Variants in GPHN observed in about 807,000 individuals in gnomAD.
The protein encoded by GPHN is gephyrin.
In GPHN, 17 loss-of-function variants were observed where a neutral mutation model predicts 95.5. The observed-to-expected ratio is 0.18, with a 90% CI of 0.12 to 0.27. The LOEUF (loss-of-function observed/expected upper bound fraction) is 0.27. Among genes scored for constraint, GPHN ranks in the 10% least tolerant of loss-of-function variants. The pLI is 1.00. For synonymous variants in GPHN, 320 were observed against 322.5 expected (o/e 0.99, Z 0.08); for missense variants, 660 against 978.1 (o/e 0.67, Z 4.34).
At chr14:67,383,662 C>T in the GPHN span, 7 of 490,064 alleles carry the variant, frequency 1.4e-5, 1 homozygote, top group Admixed American at 3.1e-5. Flanking sequence ...AGGGAGTGGC[C>T]TCATTTCACT....
chr14:66,976,871 G>A (rs2070265078), intron 9 of GPHN, among the ~76,000 whole-genome samples: 2 of 130,068 alleles, frequency 1.5e-5, no homozygotes, highest in Admixed American at 1.7e-4. Context: ...TAAAAGGTAA[G>A]CATAGTCATT....
chr14:67,042,607 TATC>T (rs1220124229), intron 10 of GPHN, among the ~76,000 whole-genome samples: 1 of 152,240 alleles, frequency 6.6e-6, no homozygotes, highest in African/African-American at 2.4e-5. Flanking sequence ...TTGGTACCAG[TATC>T]ATGCTGTTTT....
the GPHN span, chr14:67,312,518 A>T: frequency 6.6e-7 from 1 of 1,518,420 alleles, no homozygotes; most frequent in Admixed American, 2.0e-5. Context: ...TGCCCTTTTT[A>T]TCTTTTAGAT....
intron 1 of GPHN, among the ~76,000 whole-genome samples, chr14:66,640,097 T>A (rs1474550241): frequency 6.6e-6 from 1 of 152,110 alleles, no homozygotes; most frequent in Admixed American, 6.5e-5. Flanking sequence ...CTGAATTGAT[T>A]TGTGTGTGAG....
At chr14:66,605,840 T>A (rs1671212215) in intron 1 of GPHN, among the ~76,000 whole-genome samples, 1 of 152,076 alleles carries the variant, frequency 6.6e-6, no homozygotes, top group African/African-American at 2.4e-5. Flanking sequence ...CCCCATTTTT[T>A]AAAGGAGTTA....
the GPHN span, among the ~76,000 whole-genome samples, chr14:67,608,305 T>C: frequency 6.6e-6 from 1 of 152,276 alleles, no homozygotes; most frequent in Admixed American, 6.5e-5. Flanking sequence ...TTGCCATCAT[T>C]CCCTAATCAA....
At chr14:67,529,782 T>C in the GPHN span, among the ~76,000 whole-genome samples, 1 of 152,150 alleles carries the variant, frequency 6.6e-6, no homozygotes. Flanking sequence ...GCAGTAGAAG[T>C]AACCTCCTGA....
intron 2 of GPHN, among the ~76,000 whole-genome samples, chr14:66,694,807 A>G (rs2068008923): frequency 6.6e-6 from 1 of 152,220 alleles, no homozygotes. Flanking sequence ...GACGCATCTG[A>G]TAATGTACTA....
chr14:66,584,871 C>T (rs993283359), intron 1 of GPHN, among the ~76,000 whole-genome samples: 9 of 152,088 alleles, frequency 5.9e-5, no homozygotes, highest in African/African-American at 1.4e-4. Context: ...TGTCTCTGCC[C>T]GGCTTTGGTA....
At chr14:67,689,760 A>G in the GPHN span, among the ~76,000 whole-genome samples, 1 of 152,176 alleles carries the variant, frequency 6.6e-6, no homozygotes, top group Non-Finnish European at 1.5e-5. Context: ...CCTGACCAAC[A>G]TGGTGAAATC....
At chr14:66,888,845 T>G (rs916909509) in intron 5 of GPHN, among the ~76,000 whole-genome samples, 1 of 152,126 alleles carries the variant, frequency 6.6e-6, no homozygotes, top group African/African-American at 2.4e-5. Context: ...GAGACTCATT[T>G]TAGATCCAAA....
chr14:66,986,946 G>T (rs1215908719), intron 9 of GPHN, among the ~76,000 whole-genome samples: 1 of 152,128 alleles, frequency 6.6e-6, no homozygotes, highest in Non-Finnish European at 1.5e-5. Flanking sequence ...ATGGATGAAG[G>T]TGTGTTTGTA....
chr14:66,680,907 T>C (rs2066896062), intron 1 of GPHN, among the ~76,000 whole-genome samples, 200 bp from the exon 2 acceptor site: 1 of 152,138 alleles, frequency 6.6e-6, no homozygotes, highest in Non-Finnish European at 1.5e-5. Context: ...TAGTGGATTG[T>C]TATTGAAATG....
the GPHN span, chr14:67,241,834 G>GGGC: frequency 6.6e-6 from 1 of 152,080 alleles, no homozygotes; most frequent in Non-Finnish European, 1.5e-5. Context: ...GAGGTGCAGG[G>GGGC]GGCGCGGCGG....
chr14:67,618,539 A>AT, the GPHN span, among the ~76,000 whole-genome samples: 4,225 of 145,912 alleles, frequency 0.029, 130 homozygotes, highest in African/African-American at 0.082. Flanking sequence ...ACATCCAGCT[A>AT]TTTTTTTTTT....
chr14:67,036,614 A>T (rs1018783928), intron 10 of GPHN, among the ~76,000 whole-genome samples: 2 of 151,736 alleles, frequency 1.3e-5, no homozygotes, highest in African/African-American at 4.8e-5. Flanking sequence ...ACAATAAAAA[A>T]TCAATTGCAT....
chr14:67,321,802 C>T, the GPHN span, among the ~76,000 whole-genome samples: 2 of 152,040 alleles, frequency 1.3e-5, no homozygotes, highest in African/African-American at 4.8e-5. Context: ...AGATGTTCTG[C>T]TTGTATATAT....
intron 9 of GPHN, among the ~76,000 whole-genome samples, chr14:66,993,092 A>G (rs1242042236): frequency 1.3e-5 from 2 of 152,192 alleles, no homozygotes; most frequent in Non-Finnish European, 2.9e-5. Context: ...AAAGCTTGAG[A>G]AAAGAAGCCT....
chr14:67,448,120 CTTTTTTTTTTTTTTTTTTT>C, the GPHN span, among the ~76,000 whole-genome samples: 23 of 36,078 alleles, frequency 6.4e-4, no homozygotes, highest in African/African-American at 1.8e-3. Flanking sequence ...ATAGCCCATT[CTTTTTTTTTTTTTTTTTTT>C]TTTTTTTTTT....
Sources: allele counts gnomAD v4.1 joint callset (sites outside exome capture counted in the v4.1 genomes callset), GRCh38; gene constraint gnomAD v4.1.1; transcripts MANE v1.5; gene names NCBI Gene and HGNC (gene_info 2026-07-23, HGNC 2026-07-21).